Variants in KCNK4 observed in about 807,000 individuals in gnomAD.
The protein encoded by KCNK4 is potassium channel subfamily K member 4.
KCNK4 carries 22 observed loss-of-function variants against 28.8 expected under a neutral mutation model. That is an observed-to-expected ratio of 0.76 (90% CI 0.55 to 1.09). The LOEUF (loss-of-function observed/expected upper bound fraction) is 1.09, where lower values mean the gene tolerates loss of function less well. KCNK4 is among the 50% of genes least tolerant of loss of function. The probability of loss-of-function intolerance (pLI) is 0.00; values close to 1 mark genes in which losing one functional copy is unlikely to be tolerated. For synonymous variants in KCNK4, 263 were observed against 252.9 expected, an observed-to-expected ratio of 1.04 and a Z score of -0.38; for missense variants, 483 against 546.3, an observed-to-expected ratio of 0.88 and a Z score of 1.15.
At chr11:64,291,587 C>T (rs1235836850) in intron 1 of KCNK4, 21 bp downstream of exon 1, 1 of 152,238 alleles carries the variant, frequency 6.6e-6, no homozygotes, top group Non-Finnish European at 1.5e-5. Context: ...TGGGGCGGCG[C>T]CGGCGGCGAG....
Position 64,299,946 on chromosome 11 carries a change from C to A in KCNK4, c.*220C>A. ...GTGTCGCTGCCCCGGGCGGGTGTAT[C>A]CCTCACAGCACCTCACGACTGTGCC... On this transcript the variant is annotated 3_prime_UTR_variant, in exon 7 of 7. Transcript: ENST00000422670. The A allele has an allele frequency of 1.3e-6, 1 of 780,140 alleles. No homozygotes were observed. The allele number at this position is 780,140 out of a possible 1,614,324, so 48.3% of individuals were successfully genotyped here.
intron 2 of KCNK4, 67 bp from the exon 3 acceptor site, chr11:64,296,811 G>A (rs1386772453): frequency 6.9e-7 from 1 of 1,454,762 alleles, no homozygotes; most frequent in Non-Finnish European, 9.1e-7. Context: ...AGAGACTGGA[G>A]GGGCCACGAG....
rs1457155175 is a variant in KCNK4, at chr11:64,297,475, C to T, written c.483C>T (p.His161=). 2.6e-5 allele frequency: 42 copies of T among 1,613,910 alleles called. No homozygotes were observed. Among genetic ancestry groups the T allele is most frequent in the Middle Eastern group, 1.6e-4 (1 of 6,084 alleles). Residue 161 remains histidine, a synonymous_variant, in exon 5 of 7, where the codon CAC becomes CAT. Transcript: ENST00000422670. ...ACTGCCCCATCCCGCAGAAGTGGCA[C>T]GTGCCACCGGAGCTAGTAAGAGTGC... ...GHIEAIFLKW[H]VPPELVRVLS...
chr11:64,295,015 C>T lies in KCNK4; in HGVS notation c.189+1808C>T, dbSNP rs117487359. On this transcript the variant is annotated intron_variant, in intron 2 of 6. Coordinates refer to ENST00000422670, the MANE Select transcript of KCNK4 (RefSeq NM_033310.3). Reference sequence around the variant, plus strand: ...CAGGACCTAGAAGGGTGGGTGACAGCCGCTTTATTTCTCTTCCACAGTAGG... The same window carrying T: ...CAGGACCTAGAAGGGTGGGTGACAGTCGCTTTATTTCTCTTCCACAGTAGG... 3.2e-4 allele frequency among the ~76,000 whole-genome samples: 48 copies of T among 152,274 alleles called. No homozygotes were observed. In the East Asian group the frequency reaches 8.1e-3, roughly 26 times the overall value.
At chr11:64,292,482 C>A (rs1283130120) in intron 1 of KCNK4, among the ~76,000 whole-genome samples, 2 of 152,164 alleles carry the variant, frequency 1.3e-5, no homozygotes, top group African/African-American at 4.8e-5. Flanking sequence ...GCTGTCACAG[C>A]CGCAGCGGGC....
At position 64,299,437 on chromosome 11, in the gene KCNK4, A is replaced by G. The variant is rs1443135642; in HGVS notation, c.893A>G (p.Glu298Gly). The change falls in exon 7 of 7, where the codon GAG (glutamate) becomes GGG (glycine). Residue 298 changes from glutamate (E) to glycine (G), a missense_variant. Glu to Gly is a moderately conservative substitution (Grantham distance 98). Coordinates refer to ENST00000422670, the MANE Select transcript of KCNK4 (RefSeq NM_033310.3). The part of the protein sequence containing the change: ...QRAGPAAPPP[E>G]KEQPLLPPPP... ...GCCGGGCCCGCCGCCCCGCCGCCGGAGAAGGAGCAGCCACTGCTGCCTCCA... is the reference window on the plus strand; with the variant it reads ...GCCGGGCCCGCCGCCCCGCCGCCGGGGAAGGAGCAGCCACTGCTGCCTCCA... 2 of 1,593,984 alleles carry G rather than the reference A, an allele frequency of 1.3e-6. No individual in the cohort carries two copies. Among genetic ancestry groups the G allele is most frequent in the Non-Finnish European group, 1.7e-6 (2 of 1,172,784 alleles).
chr11:64,299,623 C>G lies in KCNK4; in HGVS notation c.1079C>G (p.Pro360Arg), dbSNP rs750713639. Residue 360 changes from proline to arginine, a missense_variant, in exon 7 of 7, where the codon CCG (proline) becomes CGG (arginine). Pro to Arg is a moderately radical substitution (Grantham distance 103). Transcript: ENST00000422670. ...SSDTQSERGC[P>R]LPRAPRGRRR... Reference sequence around the variant, plus strand: ...GATACGCAGAGCGAGCGCGGCTGCCCGCTGCCCCGCGCGCCGAGAGGTCGC... The same window carrying G: ...GATACGCAGAGCGAGCGCGGCTGCCGGCTGCCCCGCGCGCCGAGAGGTCGC... The G allele has an allele frequency of 3.7e-6, 6 of 1,608,100 alleles. No homozygotes were observed. Among genetic ancestry groups the G allele is most frequent in the Non-Finnish European group, 4.2e-6 (5 of 1,177,858 alleles).
chr11:64,293,042 C>T lies in KCNK4; in HGVS notation c.24C>T (p.Ala8=), dbSNP rs76192175. The change falls in exon 2 of 7, where the codon GCC becomes GCT. Residue 8 remains alanine, a synonymous_variant. Transcript: ENST00000422670. MRSTTLL[A]LLALVLLYLV... ...CCATGCGCAGCACCACGCTCCTGGC[C>T]CTGCTGGCGCTGGTCTTGCTTTACT... 6.4e-3 allele frequency: 9,854 copies of T among 1,547,802 alleles called. 49 individuals are homozygous for T. Among genetic ancestry groups the T allele is most frequent in the Non-Finnish European group, 7.9e-3 (9,041 of 1,146,004 alleles).
intron 3 of KCNK4, 58 bp downstream of exon 3, chr11:64,297,059 G>A (rs767448309): frequency 3.1e-6 from 5 of 1,608,044 alleles, no homozygotes; most frequent in Admixed American, 1.7e-5. Flanking sequence ...GGGGGAAGGT[G>A]CAGGGAGACG....
At chr11:64,299,050 G>GAAAAAAAAAAAAAAAAAA (rs56097945) in intron 6 of KCNK4, among the ~76,000 whole-genome samples, 4 of 85,076 alleles carry the variant, frequency 4.7e-5, no homozygotes, top group Non-Finnish European at 8.7e-5. Context: ...AAAAAAAGAA[G>GAAAAAAAAAAAAAAAAAA]AAAAAAAAAA....
At position 64,299,426 on chromosome 11, in the gene KCNK4, C is replaced by CCCGCCG. The variant is rs2034866084; in HGVS notation, c.886_891dup (p.Pro296_Pro297dup). On this transcript the variant is annotated inframe_insertion, in exon 7 of 7. Transcript: ENST00000422670. ...TGACCCAGCGAGCCGGGCCCGCCGCCCCGCCGCCGGAGAAGGAGCAGCCAC... is the reference window on the plus strand; with the variant it reads ...TGACCCAGCGAGCCGGGCCCGCCGCCCCGCCGCCGCCGCCGGAGAAGGAGCAGCCAC... 1 of 1,585,008 alleles carries CCCGCCG rather than the reference C, an allele frequency of 6.3e-7. No homozygotes were observed. The highest frequency in any genetic ancestry group is 1.1e-5 in the South Asian group (1 of 88,722).
At position 64,297,108 on chromosome 11, in the gene KCNK4, C is replaced by T. The variant is rs759992218; in HGVS notation, c.314-11C>T. 2 of 1,614,136 alleles carry T rather than the reference C, an allele frequency of 1.2e-6. No individual in the cohort carries two copies. Among genetic ancestry groups the T allele is most frequent in the South Asian group, 1.1e-5 (1 of 91,082 alleles). On this transcript the variant is annotated splice_polypyrimidine_tract_variant and intron_variant, in intron 3 of 6. Coordinates refer to ENST00000422670, the MANE Select transcript of KCNK4 (RefSeq NM_033310.3). The stretch of plus-strand genomic sequence containing the variant: ...TGGCCCCTAGACTTCCTGCATCGCC[C>T]CTCTGCCCAGGCTATGGCAATGTGG...
chr11:64,294,998 A>G (rs2034732316), intron 2 of KCNK4, among the ~76,000 whole-genome samples: 1 of 152,188 alleles, frequency 6.6e-6, no homozygotes, highest in African/African-American at 2.4e-5. Context: ...GGCAGGACCT[A>G]GAAGGGTGGG....
intron 2 of KCNK4, among the ~76,000 whole-genome samples, chr11:64,294,147 A>T (rs1175599173): frequency 6.6e-6 from 1 of 152,108 alleles, no homozygotes; most frequent in African/African-American, 2.4e-5. Context: ...CCCAGCATGC[A>T]TGCTTACCAT....
rs1441637443 is a variant in KCNK4, at chr11:64,291,435, C to G, written c.-209C>G. The G allele has an allele frequency of 6.6e-6, 1 of 152,364 alleles. No individual in the cohort carries two copies. Among genetic ancestry groups the G allele is most frequent in the Non-Finnish European group, 1.5e-5 (1 of 68,154 alleles). The allele number at this position is 152,364 out of a possible 1,614,324, so 9.4% of individuals were successfully genotyped here. A position where few individuals can be genotyped will look rare whatever the true frequency, so the allele number is the denominator to read the frequency against. The stretch of plus-strand genomic sequence containing the variant: ...GAGACGGGCCAGCTGATGCCCAGGT[C>G]GGGGCCCTGCCGCTGGCCACACTGG... On this transcript the variant is annotated 5_prime_UTR_variant, in exon 1 of 7. Coordinates refer to ENST00000422670, the MANE Select transcript of KCNK4 (RefSeq NM_033310.3).
At chr11:64,297,057 G>C (rs761249645) in intron 3 of KCNK4, 56 bp downstream of exon 3, 1 of 1,607,370 alleles carries the variant, frequency 6.2e-7, no homozygotes, top group South Asian at 1.1e-5. Flanking sequence ...ATGGGGGAAG[G>C]TGCAGGGAGA....
chr11:64,292,883 A>G, intron 1 of KCNK4, 59 bp from the exon 2 acceptor site: 1 of 1,421,904 alleles, frequency 7.0e-7, no homozygotes, highest in South Asian at 1.5e-5. Context: ...GGGATAGAGG[A>G]GGAGGGTGTG....
chr11:64,299,495 C>T lies in KCNK4; in HGVS notation c.951C>T (p.Pro317=). The part of the protein sequence containing the change: ...PPCPAQPLGR[P]RSPSPPEKAQ... ...GTCCAGCGCAGCCGCTGGGCAGGCC[C>T]CGATCCCCTTCGCCCCCCGAGAAGG... The change falls in exon 7 of 7, where the codon CCC becomes CCT. Residue 317 remains proline, a synonymous_variant. Transcript: ENST00000422670. The T allele has an allele frequency of 6.2e-7, 1 of 1,608,300 alleles. No homozygotes were observed. The highest frequency in any genetic ancestry group is 8.5e-7 in the Non-Finnish European group (1 of 1,178,370).
intron 1 of KCNK4, chr11:64,291,937 G>T: frequency 1.2e-6 from 1 of 804,522 alleles, no homozygotes; most frequent in South Asian, 2.3e-5. Flanking sequence ...GCTCCGAGGC[G>T]TCGCTGTGCG....
Sources: gnomAD v4.1 joint callset for allele counts (sites outside exome capture counted in the v4.1 genomes callset) on GRCh38, gnomAD v4.1.1 for gene constraint, MANE v1.5 for transcripts, NCBI Gene and HGNC (gene_info 2026-07-23, HGNC 2026-07-21) for gene names.